Variants in SEC23A observed in about 807,000 individuals in gnomAD.
SEC23A encodes the protein SEC23 homolog A, COPII component, also known as protein transport protein Sec23A.
SEC23A carries 56 observed loss-of-function variants against 103.7 expected under a neutral mutation model. That is an observed-to-expected ratio of 0.54 (90% CI 0.44 to 0.67). SEC23A has a LOEUF of 0.67. Among genes scored for constraint, SEC23A ranks in the 30% least tolerant of loss-of-function variants. SEC23A has a pLI of 0.00. For missense variants in SEC23A, 784 were observed against 936.4 expected, an observed-to-expected ratio of 0.84 and a Z score of 2.12; for synonymous variants, 281 against 293.0, an observed-to-expected ratio of 0.96 and a Z score of 0.42.
In SEC23A at chr14:39,061,890, G is replaced by A. The variant is rs1161519346; in HGVS notation, c.1399-19C>T. The A allele has an allele frequency of 1.3e-6, 2 of 1,552,474 alleles. No individual in the cohort carries two copies. Among genetic ancestry groups the A allele is most frequent in the Non-Finnish European group, 1.8e-6 (2 of 1,123,844 alleles). On this transcript the variant is annotated intron_variant, in intron 12 of 19. Coordinates refer to ENST00000307712, the MANE Select transcript of SEC23A (RefSeq NM_006364.4). ...CATTATGCTGTATAAATATAATGGAGTAAAACCTAAGCAAAATTTACTATG... is the reference window on the plus strand; with the variant it reads ...CATTATGCTGTATAAATATAATGGAATAAAACCTAAGCAAAATTTACTATG...
chr14:39,059,680 T>C (rs1292871785), intron 13 of SEC23A, among the ~76,000 whole-genome samples: 1 of 152,202 alleles, frequency 6.6e-6, no homozygotes, highest in Non-Finnish European at 1.5e-5. Flanking sequence ...GCTGAACTTT[T>C]CTAGATTAAG....
At chr14:39,101,229 G>A (rs563028884) in intron 1 of SEC23A, among the ~76,000 whole-genome samples, 1 of 152,272 alleles carries the variant, frequency 6.6e-6, no homozygotes, top group Admixed American at 6.5e-5. Context: ...ATATACTTTG[G>A]TTAAATAATT....
At chr14:39,057,621 C>A (rs1328903444) in intron 13 of SEC23A, among the ~76,000 whole-genome samples, 2 of 152,186 alleles carry the variant, frequency 1.3e-5, no homozygotes, top group African/African-American at 4.8e-5. Context: ...CCTGCCTCAG[C>A]CTTCCCAAAA....
intron 9 of SEC23A, among the ~76,000 whole-genome samples, chr14:39,072,083 A>C (rs1886858738): frequency 6.6e-6 from 1 of 151,750 alleles, no homozygotes; most frequent in South Asian, 2.1e-4. Context: ...AAAATACAAA[A>C]TAGTCGGGTG....
At chr14:39,049,893 C>T (rs549085676) in intron 14 of SEC23A, among the ~76,000 whole-genome samples, 53 of 151,778 alleles carry the variant, frequency 3.5e-4, no homozygotes, top group Non-Finnish European at 6.3e-4. Context: ...CCCAGGTTCA[C>T]GCCATTCTCC....
intron 14 of SEC23A, among the ~76,000 whole-genome samples, chr14:39,054,262 G>A (rs1886167136): frequency 1.3e-5 from 2 of 150,838 alleles, no homozygotes; most frequent in South Asian, 4.2e-4. Context: ...GTGACAGAGT[G>A]AGACCCTGTC....
At chr14:39,055,392 G>C in intron 13 of SEC23A, 96 bp from the exon 14 acceptor site, 14 of 1,261,484 alleles carry the variant, frequency 1.1e-5, no homozygotes, top group African/African-American at 1.5e-5. Flanking sequence ...AAAGATAAAA[G>C]ATACAGAAAC....
chr14:39,039,198 T>C (rs1321747880), intron 18 of SEC23A, 102 bp from the exon 19 acceptor site: 17 of 940,014 alleles, frequency 1.8e-5, no homozygotes, highest in Non-Finnish European at 2.8e-5. Context: ...TAGTATGTGT[T>C]GGTAAAATTA....
At position 39,094,389 on chromosome 14, in the gene SEC23A, CACACACACATAT is replaced by C. The variant is rs1296147639; in HGVS notation, c.222-1157_222-1146del. On this transcript the variant is annotated intron_variant, in intron 2 of 19. Coordinates refer to ENST00000307712, the MANE Select transcript of SEC23A (RefSeq NM_006364.4). ...ATATATATATACACACACACACACA[CACACACACATAT>C]ATATATATATATATATATATATATA... 1.4e-4 allele frequency among the ~76,000 whole-genome samples: 7 copies of C among 50,208 alleles called. 2 individuals are homozygous for C. Among genetic ancestry groups the C allele is most frequent in the African/African-American group, 3.8e-4 (5 of 13,014 alleles). The allele number at this position is 50,208 out of a possible 152,430, so 32.9% of individuals were successfully genotyped here. A position where few individuals can be genotyped will look rare whatever the true frequency, so the allele number is the denominator to read the frequency against.
rs1566515229 is a variant in SEC23A, at chr14:39,094,431, TATATATATATA to T, written c.222-1198_222-1188del. 5.2e-4 allele frequency among the ~76,000 whole-genome samples: 26 copies of T among 50,370 alleles called. 1 individual carries two copies. The highest frequency in any genetic ancestry group is 4.0e-3 in the African/African-American group (21 of 5,208). 33.0% of individuals were successfully genotyped at this position (50,370 alleles called of 152,430 possible). A position where few individuals can be genotyped will look rare whatever the true frequency, so the allele number is the denominator to read the frequency against. ...ATATATATATATATATATATATATATATATATATATATTTTTTTTTTTTTTTTTTCCCCTCC... is the reference window on the plus strand; with the variant it reads ...ATATATATATATATATATATATATATTTTTTTTTTTTTTTTTTTCCCCTCC... On this transcript the variant is annotated intron_variant, in intron 2 of 19. Coordinates refer to ENST00000307712, the MANE Select transcript of SEC23A (RefSeq NM_006364.4).
At chr14:39,073,233 G>A (rs1198694607) in intron 9 of SEC23A, among the ~76,000 whole-genome samples, 2 of 152,186 alleles carry the variant, frequency 1.3e-5, no homozygotes, top group Non-Finnish European at 2.9e-5. Flanking sequence ...ACATTCTACA[G>A]TCTGGATGAA....
At chr14:39,069,184 T>A (rs1886765086) in intron 9 of SEC23A, among the ~76,000 whole-genome samples, 1 of 152,134 alleles carries the variant, frequency 6.6e-6, no homozygotes, top group African/African-American at 2.4e-5. Flanking sequence ...ATATCCAAAA[T>A]CCAACTACTT....
chr14:39,070,102 C>A (rs968802859), intron 9 of SEC23A, among the ~76,000 whole-genome samples: 3 of 152,196 alleles, frequency 2.0e-5, no homozygotes, highest in Admixed American at 1.3e-4. Context: ...TGGGACAGCA[C>A]AAAGAATATA....
chr14:39,057,592 C>G (rs964938274), intron 13 of SEC23A, among the ~76,000 whole-genome samples: 1 of 152,166 alleles, frequency 6.6e-6, no homozygotes, highest in Admixed American at 6.5e-5. Flanking sequence ...GTCTCCAACT[C>G]CTGGACTCAA....
chr14:39,047,413 C>A (rs753006493), intron 15 of SEC23A: 1 of 1,288,736 alleles, frequency 7.8e-7, no homozygotes, highest in South Asian at 1.2e-5. Context: ...CAGGATCTCA[C>A]CAGAGGTTTT....
At chr14:39,047,254 C>T in intron 15 of SEC23A, 1 of 369,154 alleles carries the variant, frequency 2.7e-6, no homozygotes, top group Admixed American at 4.0e-5. Context: ...AGGCTTGAGG[C>T]AGGGAGAGAA....
At chr14:39,035,419 C>T (rs1408401312) in intron 19 of SEC23A, among the ~76,000 whole-genome samples, 9 of 151,892 alleles carry the variant, frequency 5.9e-5, no homozygotes, top group Non-Finnish European at 1.3e-4. Flanking sequence ...ACTTTTTTTT[C>T]CATTGATAAT....
At chr14:39,093,562 C>G (rs1411257836) in intron 2 of SEC23A, among the ~76,000 whole-genome samples, 1 of 152,124 alleles carries the variant, frequency 6.6e-6, no homozygotes, top group Non-Finnish European at 1.5e-5. Context: ...GAGTTCAAGA[C>G]CAGCTTGGGC....
chr14:39,049,477 A>C (rs1455327922), intron 14 of SEC23A, among the ~76,000 whole-genome samples: 1 of 125,060 alleles, frequency 8.0e-6, no homozygotes, highest in Admixed American at 7.8e-5. Context: ...CTCTGTCTCC[A>C]AAAAAAAAAA....
Sources: allele counts gnomAD v4.1 joint callset (sites outside exome capture counted in the v4.1 genomes callset), GRCh38; gene constraint gnomAD v4.1.1; transcripts MANE v1.5; gene names NCBI Gene and HGNC (gene_info 2026-07-23, HGNC 2026-07-21).